Variants in E2F3 observed in about 807,000 individuals in gnomAD.
E2F3 encodes transcription factor E2F3.
In E2F3, 11 loss-of-function variants were observed where a neutral mutation model predicts 44.4. The ratio of observed to expected loss-of-function variants is 0.25; its 90% confidence interval spans 0.16 to 0.41. E2F3 has a LOEUF of 0.41. E2F3 is among the 10% of genes least tolerant of loss of function. E2F3 has a pLI of 1.00. For missense variants in E2F3, 487 were observed against 583.6 expected (o/e 0.83, Z 1.70); for synonymous variants, 249 against 253.0 (o/e 0.98, Z 0.15).
At chr6:20,448,075 T>C (rs1024459586) in intron 1 of E2F3, among the ~76,000 whole-genome samples, 2 of 152,194 alleles carry the variant, frequency 1.3e-5, no homozygotes, top group Non-Finnish European at 2.9e-5. Flanking sequence ...TGGGGATTGA[T>C]ATGAAAGGTT....
chr6:20,405,432 C>T (rs973732838), intron 1 of E2F3, among the ~76,000 whole-genome samples: 1 of 150,622 alleles, frequency 6.6e-6, no homozygotes, highest in Non-Finnish European at 1.5e-5. Context: ...CTGCAACCTC[C>T]GCCTCCCGAG....
At chr6:20,458,717 G>A (rs1232702413) in intron 1 of E2F3, among the ~76,000 whole-genome samples, 1 of 152,220 alleles carries the variant, frequency 6.6e-6, no homozygotes, top group African/African-American at 2.4e-5. Context: ...AGGGGCAAAA[G>A]TGTTGCTTTT....
rs1419156114 is a variant in E2F3 at position 20,492,680 on chromosome 6, C to T, written c.*2250C>T. ...GTTGAATTTTTTCATAATGTAATGC[C>T]GTATTTATTGTTTTTAAAATGAAAG... On this transcript the variant is annotated 3_prime_UTR_variant, in exon 7 of 7. Coordinates refer to ENST00000346618, the MANE Select transcript of E2F3 (RefSeq NM_001949.5). 6 of 231,164 alleles carry T rather than the reference C, an allele frequency of 2.6e-5. No homozygotes were observed. The highest frequency in any genetic ancestry group is 5.7e-5 in the Admixed American group (1 of 17,696). The allele number at this position is 231,164 out of a possible 1,614,324, so 14.3% of individuals were successfully genotyped here.
intron 2 of E2F3, 133 bp from the exon 3 acceptor site, chr6:20,481,073 A>G: frequency 1.3e-6 from 1 of 791,186 alleles, no homozygotes; most frequent in South Asian, 1.9e-5. Flanking sequence ...CACCAACAGC[A>G]ACGACAGCCT....
At chr6:20,458,992 G>A (rs927213556) in intron 1 of E2F3, among the ~76,000 whole-genome samples, 14 of 152,152 alleles carry the variant, frequency 9.2e-5, no homozygotes, top group Admixed American at 3.3e-4. Flanking sequence ...GGCTGGGGGC[G>A]GTGGCTCACG....
At chr6:20,420,690 C>T (rs1160247576) in intron 1 of E2F3, among the ~76,000 whole-genome samples, 1 of 152,126 alleles carries the variant, frequency 6.6e-6, no homozygotes, top group Non-Finnish European at 1.5e-5. Context: ...GCCAACAATC[C>T]CCTGAGCCTT....
chr6:20,427,649 G>A (rs1428571974), intron 1 of E2F3, among the ~76,000 whole-genome samples: 2 of 152,146 alleles, frequency 1.3e-5, no homozygotes, highest in African/African-American at 4.8e-5. Flanking sequence ...TGCTGCCGAA[G>A]TGACTGCCCA....
At position 20,446,405 on chromosome 6, in the gene E2F3, A is replaced by G. The variant is rs74645958; in HGVS notation, c.394-33441A>G. Reference sequence around the variant, plus strand: ...TATTTCACCAGAAGTTTAGGGATTTATCCTCAAAGGCATTAGGAGTGCCTA... The same window carrying G: ...TATTTCACCAGAAGTTTAGGGATTTGTCCTCAAAGGCATTAGGAGTGCCTA... On this transcript the variant is annotated intron_variant, in intron 1 of 6. Transcript: ENST00000346618. 8.7e-3 allele frequency among the ~76,000 whole-genome samples: 1,332 copies of G among 152,302 alleles called. 31 individuals carry two copies. Among genetic ancestry groups the G allele is most frequent in the African/African-American group, 0.03 (1,235 of 41,564 alleles).
chr6:20,455,574 A>C (rs4631269), intron 1 of E2F3, among the ~76,000 whole-genome samples: 3,197 of 152,292 alleles, frequency 0.021, 66 homozygotes, highest in African/African-American at 0.053. Context: ...ATTTATTGAC[A>C]CTGCTGTACA....
At position 20,493,103 on chromosome 6, in the gene E2F3, C is replaced by T. The variant is rs555963268; in HGVS notation, c.*2673C>T. Reference sequence around the variant, plus strand: ...CGTTTTATTTAAGTTGATATGTAGTCTACTCACATTTTCATTATTTAGCAA... The same window carrying T: ...CGTTTTATTTAAGTTGATATGTAGTTTACTCACATTTTCATTATTTAGCAA... On this transcript the variant is annotated 3_prime_UTR_variant, in exon 7 of 7. Transcript: ENST00000346618. 1 of 220,650 alleles carries T rather than the reference C, an allele frequency of 4.5e-6. No individual in the cohort carries two copies. The highest frequency in any genetic ancestry group is 6.7e-5 in the East Asian group (1 of 15,030). The allele number at this position is 220,650 out of a possible 1,614,324, so 13.7% of individuals were successfully genotyped here.
intron 1 of E2F3, chr6:20,421,591 A>C (rs762806041): frequency 6.6e-6 from 1 of 152,236 alleles, no homozygotes; most frequent in Non-Finnish European, 1.5e-5. Flanking sequence ...CAATGGGCTT[A>C]AAATAGTCAG....
intron 2 of E2F3, among the ~76,000 whole-genome samples, 179 bp from the exon 3 acceptor site, chr6:20,481,027 A>G (rs1233968605): frequency 6.6e-6 from 1 of 152,192 alleles, no homozygotes; most frequent in African/African-American, 2.4e-5. Context: ...TTCCTGCTCT[A>G]ATAAAAAACT....
Position 20,409,464 on chromosome 6 carries a change from A to C in E2F3, c.393+6839A>C, listed in dbSNP as rs149912073. Among the ~76,000 whole-genome samples, 404 of 152,338 alleles carry C rather than the reference A, an allele frequency of 2.7e-3. 1 individual carries two copies. Among genetic ancestry groups the C allele is most frequent in the African/African-American group, 9.3e-3 (387 of 41,578 alleles). On this transcript the variant is annotated intron_variant, in intron 1 of 6. Transcript: ENST00000346618. ...ACATGCTTCATAGAGAATAGAATCT[A>C]AAAGGATTTTTGAGACTTTCTTGGG... is the stretch of plus-strand genomic sequence containing the variant.
rs1762450653 is a variant in E2F3 at position 20,488,174 on chromosome 6, A to G, written c.1061A>G (p.Glu354Gly). 1.2e-6 allele frequency: 2 copies of G among 1,614,000 alleles called. No homozygotes were observed. The highest frequency in any genetic ancestry group is 1.7e-6 in the Non-Finnish European group (2 of 1,179,988). Residue 354 changes from glutamate to glycine, a missense_variant, in exon 6 of 7, where the codon GAG becomes GGG. Coordinates refer to ENST00000346618, the MANE Select transcript of E2F3 (RefSeq NM_001949.5). ...GPIEVYLCPEETETHSPMKTN... is the reference protein window; with the variant it reads ...GPIEVYLCPEGTETHSPMKTN... ...ATTGAGGTTTACTTATGTCCAGAAG[A>G]GACTGAAACACACAGTCCAATGAAA...
At chr6:20,428,369 T>C (rs775106751) in intron 1 of E2F3, among the ~76,000 whole-genome samples, 29 of 152,114 alleles carry the variant, frequency 1.9e-4, no homozygotes, top group Admixed American at 1.1e-3. Flanking sequence ...ATTATAGGCA[T>C]ATGCCACCAT....
At chr6:20,449,438 C>T (rs9465752) in intron 1 of E2F3, among the ~76,000 whole-genome samples, 3,179 of 151,984 alleles carry the variant, frequency 0.021, 104 homozygotes, top group African/African-American at 0.071. Context: ...AATCATATAC[C>T]TTAATAAGCT....
chr6:20,442,449 A>C (rs959397383), intron 1 of E2F3, among the ~76,000 whole-genome samples: 1 of 152,246 alleles, frequency 6.6e-6, no homozygotes, highest in African/African-American at 2.4e-5. Flanking sequence ...TATTCCTGAA[A>C]GCAAAGTTGA....
At chr6:20,419,705 C>G (rs1240533517) in intron 1 of E2F3, among the ~76,000 whole-genome samples, 2 of 144,034 alleles carry the variant, frequency 1.4e-5, no homozygotes, top group African/African-American at 5.9e-5. Context: ...AGCTGGACTA[C>G]AGGCGCACGC....
At chr6:20,432,860 C>T (rs1054645724) in intron 1 of E2F3, among the ~76,000 whole-genome samples, 4 of 152,188 alleles carry the variant, frequency 2.6e-5, no homozygotes, top group Admixed American at 2.6e-4. Context: ...TGCTTCCTGC[C>T]TCAGGGCCTT....
Sources: allele counts gnomAD v4.1 joint callset (sites outside exome capture counted in the v4.1 genomes callset), GRCh38; gene constraint gnomAD v4.1.1; transcripts MANE v1.5; gene names NCBI Gene and HGNC (gene_info 2026-07-23, HGNC 2026-07-21).